Variants in VGLL4 observed in about 807,000 individuals in gnomAD.
VGLL4 encodes the protein transcription cofactor vestigial-like protein 4.
A neutral mutation model predicts 21.0 loss-of-function variants in VGLL4; 7 were observed. The observed-to-expected ratio is 0.33, with a 90% CI of 0.19 to 0.63. VGLL4 has a LOEUF of 0.63. Among genes scored for constraint, VGLL4 ranks in the 20% least tolerant of loss-of-function variants. The pLI is 0.78. For missense variants in VGLL4, 394 were observed against 425.7 expected (o/e 0.93, Z 0.66); for synonymous variants, 222 against 173.2 (o/e 1.28, Z -2.21).
chr3:11,674,740 C>A (rs1010842224), intron 2 of VGLL4, among the ~76,000 whole-genome samples: 1 of 151,940 alleles, frequency 6.6e-6, no homozygotes, highest in African/African-American at 2.4e-5. Context: ...AAGAGATGAG[C>A]GATGGGTGTT....
intron 2 of VGLL4, among the ~76,000 whole-genome samples, chr3:11,698,395 GT>G (rs137931509): frequency 0.056 from 8,465 of 152,256 alleles, 273 homozygotes; most frequent in Middle Eastern, 0.092. Flanking sequence ...TGTAGTCCCA[GT>G]TACTCAGGAG....
intron 1 of VGLL4, among the ~76,000 whole-genome samples, chr3:11,630,027 C>T (rs1465133092): frequency 6.6e-6 from 1 of 152,120 alleles, no homozygotes; most frequent in East Asian, 1.9e-4. Flanking sequence ...TTTTCACATC[C>T]CTCTATCTGG....
chr3:11,561,951 G>C (rs542342559), intron 3 of VGLL4, among the ~76,000 whole-genome samples: 1 of 147,548 alleles, frequency 6.8e-6, no homozygotes, highest in Non-Finnish European at 1.5e-5. Flanking sequence ...CCAGGCTGGA[G>C]TGCAGTGACG....
Position 11,601,954 on chromosome 3 carries a change from G to A in VGLL4, c.151C>T (p.Arg51Cys), listed in dbSNP as rs144647597. Reference protein sequence around the residue: ...LPVASALSSHRTGPPPISPSK... With the variant: ...LPVASALSSHCTGPPPISPSK... The stretch of plus-strand genomic sequence containing the variant: ...GGGCTGATTGGGGGAGGGCCGGTGC[G>A]GTGACTGCTGAGGGCAGAGGCCACC... The change falls in exon 2 of 5, where the codon CGC becomes TGC. Residue 51 changes from arginine (R) to cysteine (C), a missense_variant. Coordinates refer to ENST00000430365, the MANE Select transcript of VGLL4 (RefSeq NM_001128219.3). The A allele has an allele frequency of 1.9e-5, 30 of 1,612,722 alleles. No individual in the cohort carries two copies. The Admixed American group carries it at 3.0e-4, about 16-fold the overall frequency.
intron 1 of VGLL4, among the ~76,000 whole-genome samples, chr3:11,614,128 G>C (rs2075114754): frequency 6.6e-6 from 1 of 152,230 alleles, no homozygotes; most frequent in Admixed American, 6.5e-5. Flanking sequence ...TGGACTTACA[G>C]GCTTTCTTCC....
At chr3:11,585,148 T>A (rs1035726974) in intron 2 of VGLL4, among the ~76,000 whole-genome samples, 1 of 152,156 alleles carries the variant, frequency 6.6e-6, no homozygotes, top group Non-Finnish European at 1.5e-5. Context: ...TCAAGAGACT[T>A]CACTGGGCTG....
chr3:11,693,120 A>C, intron 2 of VGLL4: 1 of 217,776 alleles, frequency 4.6e-6, no homozygotes, highest in Non-Finnish European at 9.9e-6. Flanking sequence ...GCAGTGAGCC[A>C]AGATTGTGCC....
intron 2 of VGLL4, among the ~76,000 whole-genome samples, chr3:11,570,472 G>C (rs749080568): frequency 5.9e-5 from 9 of 152,202 alleles, no homozygotes. Flanking sequence ...TGGCTGGACC[G>C]TGCACTCCCG....
intron 2 of VGLL4, among the ~76,000 whole-genome samples, chr3:11,651,325 AGAGT>A (rs1437635917): frequency 6.7e-6 from 1 of 149,690 alleles, no homozygotes; most frequent in African/African-American, 2.5e-5. Flanking sequence ...CCTAAGCGAT[AGAGT>A]GAGACTCAAA....
At chr3:11,579,969 C>T (rs2074179641) in intron 2 of VGLL4, among the ~76,000 whole-genome samples, 1 of 152,204 alleles carries the variant, frequency 6.6e-6, no homozygotes, top group African/African-American at 2.4e-5. Context: ...ACACAATGGA[C>T]TCATTAATGT....
chr3:11,669,256 T>G (rs1414454140), intron 2 of VGLL4, among the ~76,000 whole-genome samples: 1 of 152,112 alleles, frequency 6.6e-6, no homozygotes, highest in Non-Finnish European at 1.5e-5. Flanking sequence ...GCCGGTGTGG[T>G]GGTGAGAGCC....
intron 2 of VGLL4, among the ~76,000 whole-genome samples, chr3:11,592,814 G>A (rs59953273): frequency 0.023 from 3,519 of 152,202 alleles, 145 homozygotes; most frequent in African/African-American, 0.08. Flanking sequence ...GATAACGATA[G>A]TCTCCACCTC....
At chr3:11,574,781 ATATATGTGTG>A (rs919399571) in intron 2 of VGLL4, among the ~76,000 whole-genome samples, 5 of 120,948 alleles carry the variant, frequency 4.1e-5, no homozygotes, top group African/African-American at 1.0e-4. Flanking sequence ...CAATTCAACT[ATATATGTGTG>A]TGTGTGTGTG....
At chr3:11,679,456 G>T (rs902630008) in intron 2 of VGLL4, among the ~76,000 whole-genome samples, 1 of 152,124 alleles carries the variant, frequency 6.6e-6, no homozygotes, top group Non-Finnish European at 1.5e-5. Flanking sequence ...AGGCCGAGGC[G>T]GGCGGATCAT....
At chr3:11,687,193 G>C (rs577425195) in intron 2 of VGLL4, among the ~76,000 whole-genome samples, 2 of 152,060 alleles carry the variant, frequency 1.3e-5, no homozygotes, top group South Asian at 2.1e-4. Context: ...AAATTTTTCA[G>C]GTAAACTTAA....
intron 2 of VGLL4, among the ~76,000 whole-genome samples, chr3:11,572,399 G>A (rs1444983577): frequency 1.3e-5 from 2 of 152,132 alleles, no homozygotes; most frequent in Non-Finnish European, 1.5e-5. Context: ...ACAAAGACTC[G>A]TGTACCTACC....
chr3:11,660,621 G>A (rs199742562), intron 2 of VGLL4, among the ~76,000 whole-genome samples: 1 of 152,062 alleles, frequency 6.6e-6, no homozygotes. Flanking sequence ...GTTTTACTTT[G>A]TAAGTTTCAG....
intron 2 of VGLL4, among the ~76,000 whole-genome samples, chr3:11,599,438 T>G (rs1284554898): frequency 6.7e-6 from 1 of 149,386 alleles, no homozygotes; most frequent in African/African-American, 2.5e-5. Context: ...ATTCTATTAT[T>G]TACACTTAAA....
At chr3:11,641,118 CAAAAA>C (rs10547055) in intron 1 of VGLL4, among the ~76,000 whole-genome samples, 2 of 91,808 alleles carry the variant, frequency 2.2e-5, no homozygotes, top group African/African-American at 3.9e-5. Context: ...ACTTCATCAC[CAAAAA>C]AAAAAAAAAA....
Sources: allele counts gnomAD v4.1 joint callset (sites outside exome capture counted in the v4.1 genomes callset), GRCh38; gene constraint gnomAD v4.1.1; transcripts MANE v1.5; gene names NCBI Gene and HGNC (gene_info 2026-07-23, HGNC 2026-07-21).